The following GAS7 variants were observed in gnomAD, a reference collection of about 807,000 sequenced individuals.
The protein encoded by GAS7 is growth arrest specific 7, also known as growth arrest-specific protein 7.
In GAS7, 28 loss-of-function variants were observed where a neutral mutation model predicts 71.1. The ratio of observed to expected loss-of-function variants is 0.39; its 90% CI spans 0.29 to 0.54. GAS7 has a LOEUF of 0.54. Ranked by LOEUF, GAS7 falls within the 20% of genes least tolerant of loss-of-function variation. GAS7 has a pLI of 0.62. For synonymous variants in GAS7, 258 were observed against 245.8 expected, an observed-to-expected ratio of 1.05 and a Z score of -0.46; for missense variants, 436 against 627.8, an observed-to-expected ratio of 0.69 and a Z score of 3.27.
chr17:10,005,154 C>CATGTGTGTGCGCACGCATGCATGT (rs1567879989), intron 2 of GAS7, among the ~76,000 whole-genome samples: 1 of 34,562 alleles, frequency 2.9e-5, no homozygotes, highest in Non-Finnish European at 6.4e-5. Flanking sequence ...CGCATGCATG[C>CATGTGTGTGCGCACGCATGCATGT]ATGTGTGTGC....
At chr17:9,941,119 G>C (rs2152091374) in intron 7 of GAS7, among the ~76,000 whole-genome samples, 1 of 152,314 alleles carries the variant, frequency 6.6e-6, no homozygotes, top group East Asian at 1.9e-4. Flanking sequence ...AAGTCTGGCG[G>C]CAGCATTCCG....
chr17:10,106,889 G>A (rs1459658904), intron 1 of GAS7, among the ~76,000 whole-genome samples: 1 of 152,172 alleles, frequency 6.6e-6, no homozygotes, highest in Non-Finnish European at 1.5e-5. Flanking sequence ...TTTTGAGGTG[G>A]GGGAGTTATT....
intron 3 of GAS7, among the ~76,000 whole-genome samples, chr17:9,975,837 T>C (rs550806420): frequency 6.8e-4 from 103 of 152,144 alleles, no homozygotes; most frequent in African/African-American, 2.4e-3. Flanking sequence ...GCAGAACCCG[T>C]TGAGGGAAAT....
At chr17:9,992,859 G>GT (rs1257132757) in intron 2 of GAS7, among the ~76,000 whole-genome samples, 1 of 150,946 alleles carries the variant, frequency 6.6e-6, no homozygotes. Flanking sequence ...GCGGTGTTTG[G>GT]TTTTTTGTCC....
intron 1 of GAS7, among the ~76,000 whole-genome samples, chr17:10,140,993 C>A (rs1013704418): frequency 6.6e-6 from 1 of 152,268 alleles, no homozygotes; most frequent in Non-Finnish European, 1.5e-5. Context: ...AGCTTCTGGA[C>A]TGGCCCCACC....
intron 1 of GAS7, among the ~76,000 whole-genome samples, chr17:10,177,186 C>G (rs750535933): frequency 6.6e-6 from 1 of 152,152 alleles, no homozygotes; most frequent in Non-Finnish European, 1.5e-5. Flanking sequence ...AAAGGCCACA[C>G]AGAGGAAGGG....
At chr17:10,141,308 C>T (rs556407033) in intron 1 of GAS7, among the ~76,000 whole-genome samples, 127 of 152,258 alleles carry the variant, frequency 8.3e-4, no homozygotes, top group African/African-American at 2.0e-3. Context: ...TTTAGCCTAG[C>T]GTGGTGGCGG....
chr17:9,990,756 G>A (rs2070810391), intron 2 of GAS7, among the ~76,000 whole-genome samples: 2 of 152,310 alleles, frequency 1.3e-5, no homozygotes, highest in East Asian at 1.9e-4. Flanking sequence ...GGGCCAGATT[G>A]GATCATCCAG....
At chr17:10,152,546 G>T (rs2074174309) in intron 1 of GAS7, among the ~76,000 whole-genome samples, 1 of 152,090 alleles carries the variant, frequency 6.6e-6, no homozygotes, top group South Asian at 2.1e-4. Flanking sequence ...ACTCATTCAA[G>T]GTCACACAGC....
chr17:9,926,539 G>C lies in GAS7; in HGVS notation c.1014+102C>G, dbSNP rs1474622147. ...CCCTATTCCCCTACCTGGGGACAAA[G>C]ACTCAGCCTTGGCGTATGGAGCCAC... On this transcript the variant is annotated intron_variant, in intron 10 of 13. Transcript: ENST00000432992. The surrounding 1 kb of genome is among the most constrained non-coding windows in gnomAD (Gnocchi z 5.0). The C allele has an allele frequency of 7.9e-7, 1 of 1,263,000 alleles. No homozygotes were observed. The highest frequency in any genetic ancestry group is 1.5e-5 in the African/African-American group (1 of 68,398). 78.2% of individuals were successfully genotyped at this position (1,263,000 alleles called of 1,614,324 possible). A position where few individuals can be genotyped will look rare whatever the true frequency, so the allele number is the denominator to read the frequency against.
intron 1 of GAS7, among the ~76,000 whole-genome samples, chr17:10,105,330 C>G (rs909901725): frequency 2.6e-5 from 4 of 152,086 alleles, no homozygotes; most frequent in African/African-American, 9.7e-5. Context: ...CTGATCTTCT[C>G]CAGCACCTGC....
chr17:10,066,856 G>A (rs1184125185), intron 1 of GAS7, among the ~76,000 whole-genome samples: 4 of 152,130 alleles, frequency 2.6e-5, no homozygotes, highest in Non-Finnish European at 1.5e-5. Context: ...GGTGAAGAGA[G>A]TAGACTTGGG....
intron 1 of GAS7, among the ~76,000 whole-genome samples, chr17:10,121,306 G>A (rs908110574): frequency 2.6e-5 from 4 of 152,122 alleles, no homozygotes; most frequent in African/African-American, 4.8e-5. Context: ...GCTTGAACCC[G>A]GGAGGCAGAG....
intron 1 of GAS7, among the ~76,000 whole-genome samples, chr17:10,113,044 C>T (rs550115729): frequency 1.3e-5 from 2 of 152,174 alleles, no homozygotes; most frequent in African/African-American, 2.4e-5. Flanking sequence ...CTCCCTATGG[C>T]CCAGGGAAGC....
chr17:10,144,180 T>G (rs11655215), intron 1 of GAS7, among the ~76,000 whole-genome samples: 128,581 of 152,188 alleles, frequency 0.84, 54,483 homozygotes, highest in Middle Eastern at 0.89. Context: ...CTAGTGACTG[T>G]TTCCCCTTTG....
chr17:10,134,824 T>C (rs1230693265), intron 1 of GAS7, among the ~76,000 whole-genome samples: 1 of 150,866 alleles, frequency 6.6e-6, no homozygotes, highest in Admixed American at 6.6e-5. Flanking sequence ...TCTGCACTCA[T>C]ATTTACATCC....
Position 9,910,708 on chromosome 17 carries a change from C to CTTA in GAS7, c.*6519_*6520insTAA, listed in dbSNP as rs1332083742. 2.3e-5 allele frequency: 5 copies of CTTA among 217,016 alleles called. No individual in the cohort carries two copies. In the Admixed American group the frequency reaches 2.9e-4, roughly 13 times the overall value. 13.4% of individuals were successfully genotyped at this position (217,016 alleles called of 1,614,324 possible). ...AACATTTAATTCTTCAGCATTAATA[C>CTTA]ACACAAATGCGGTAACAGGGGTCAG... On this transcript the variant is annotated 3_prime_UTR_variant, in exon 14 of 14. Coordinates refer to ENST00000432992, the MANE Select transcript of GAS7 (RefSeq NM_201433.2).
At chr17:9,967,721 G>A (rs988476233) in intron 4 of GAS7, among the ~76,000 whole-genome samples, 3 of 151,988 alleles carry the variant, frequency 2.0e-5, no homozygotes, top group African/African-American at 7.3e-5. Flanking sequence ...AACCTCCAGC[G>A]CCATCATCCC....
At chr17:10,022,818 G>A (rs911873405) in intron 1 of GAS7, among the ~76,000 whole-genome samples, 4 of 152,174 alleles carry the variant, frequency 2.6e-5, no homozygotes, top group African/African-American at 9.6e-5. Context: ...TCACTTCTCT[G>A]AGGTTTCTGT....
Sources: gnomAD v4.1 joint callset for allele counts (sites outside exome capture counted in the v4.1 genomes callset) on GRCh38, gnomAD v4.1.1 for gene constraint, Gnocchi (gnomAD v3.1) non-coding constraint, MANE v1.5 for transcripts, NCBI Gene and HGNC (gene_info 2026-07-23, HGNC 2026-07-21) for gene names.